The following ANO2 variants were observed in gnomAD, a reference collection of about 807,000 sequenced individuals.
ANO2 encodes anoctamin 2.
ANO2 carries 101 observed loss-of-function variants against 124.2 expected under a neutral mutation model. The observed-to-expected ratio is 0.81, with a 90% CI of 0.69 to 0.96. The LOEUF (loss-of-function observed/expected upper bound fraction) is 0.96. Ranked by LOEUF, ANO2 falls within the 40% of genes least tolerant of loss-of-function variation. ANO2 has a pLI of 0.00. For missense variants in ANO2, 1,293 were observed against 1,274.5 expected (o/e 1.01, Z -0.22); for synonymous variants, 486 against 482.5 (o/e 1.01, Z -0.09).
At chr12:5,694,251 C>CAGACAGAGAG (rs1555137018) in intron 14 of ANO2, among the ~76,000 whole-genome samples, 19 of 133,968 alleles carry the variant, frequency 1.4e-4, no homozygotes, top group African/African-American at 5.3e-4. Flanking sequence ...TTACCAGAGA[C>CAGACAGAGAG]AGAGAGAGAG....
At chr12:5,905,612 C>T (rs141804843) in intron 3 of ANO2, among the ~76,000 whole-genome samples, 158 of 152,260 alleles carry the variant, frequency 1.0e-3, no homozygotes, top group African/African-American at 3.7e-3. Context: ...CAGTGCCTGA[C>T]ATACTGTCCC....
intron 14 of ANO2, among the ~76,000 whole-genome samples, chr12:5,663,355 G>C (rs1486552413): frequency 6.6e-6 from 1 of 152,178 alleles, no homozygotes; most frequent in East Asian, 1.9e-4. Flanking sequence ...AATGAAGCAG[G>C]GAATGGTTAC....
chr12:5,912,079 G>C (rs1291069720), intron 3 of ANO2, among the ~76,000 whole-genome samples: 1 of 152,140 alleles, frequency 6.6e-6, no homozygotes, highest in Non-Finnish European at 1.5e-5. Context: ...AACCCCTTCT[G>C]AGGAATCCTA....
At chr12:5,784,049 T>A (rs1952475076) in intron 10 of ANO2, among the ~76,000 whole-genome samples, 1 of 152,132 alleles carries the variant, frequency 6.6e-6, no homozygotes, top group African/African-American at 2.4e-5. Context: ...CTGCCTTACA[T>A]CCCACCCTAA....
chr12:5,893,464 T>C (rs1397399455), intron 3 of ANO2, among the ~76,000 whole-genome samples: 1 of 151,838 alleles, frequency 6.6e-6, no homozygotes, highest in Admixed American at 6.6e-5. Flanking sequence ...CTTTATTTTG[T>C]ATGTAGTTTT....
At chr12:5,877,312 C>T (rs887255961) in intron 3 of ANO2, among the ~76,000 whole-genome samples, 2 of 152,128 alleles carry the variant, frequency 1.3e-5, no homozygotes, top group African/African-American at 4.8e-5. Flanking sequence ...AGCGAGGAGA[C>T]GGCCATGTGA....
chr12:5,751,739 A>C lies in ANO2; in HGVS notation c.1056-769T>G, dbSNP rs538888217. The stretch of plus-strand genomic sequence containing the variant: ...TTTTCTCTTGTGTTAAGAGCAATTA[A>C]TGTGAGATCTACCCTGTTAGCAGAT... On this transcript the variant is annotated intron_variant, in intron 10 of 24. Coordinates refer to ENST00000682330, the MANE Select transcript of ANO2 (RefSeq NM_001364791.2). 7.3e-5 allele frequency among the ~76,000 whole-genome samples: 11 copies of C among 150,926 alleles called. No individual in the cohort carries two copies. In the South Asian group the frequency reaches 2.3e-3, roughly 32 times the overall value.
intron 14 of ANO2, among the ~76,000 whole-genome samples, chr12:5,665,558 A>T (rs1947659633): frequency 6.6e-6 from 1 of 152,124 alleles, no homozygotes; most frequent in Non-Finnish European, 1.5e-5. Flanking sequence ...GAGGGATTTT[A>T]TTTGTTGCCC....
intron 4 of ANO2, among the ~76,000 whole-genome samples, chr12:5,844,561 A>G (rs536125662): frequency 1.4e-4 from 22 of 152,348 alleles, no homozygotes; most frequent in Middle Eastern, 3.4e-3. Flanking sequence ...CATGTAGACC[A>G]CAGCATTTTA....
intron 9 of ANO2, among the ~76,000 whole-genome samples, chr12:5,805,683 T>A (rs551621002): frequency 6.6e-6 from 1 of 152,200 alleles, no homozygotes; most frequent in Non-Finnish European, 1.5e-5. Flanking sequence ...TTCCTGTGGC[T>A]GTGTGATCTA....
chr12:5,604,999 G>A (rs1944147084), intron 19 of ANO2, among the ~76,000 whole-genome samples: 1 of 151,368 alleles, frequency 6.6e-6, no homozygotes, highest in African/African-American at 2.4e-5. Context: ...CCCTCTGCCT[G>A]TGCCCCACAG....
At chr12:5,946,204 A>G (rs868217676), upstream of ANO2, 1 of 1,611,540 alleles carries the variant, frequency 6.2e-7, no homozygotes, top group Middle Eastern at 1.7e-4. This position sits in a 1 kb window ranked among gnomAD's most constrained non-coding sequence, Gnocchi z 4.1. Context: ...TGGTCATGAT[A>G]GATCCCACTT....
intron 23 of ANO2, among the ~76,000 whole-genome samples, chr12:5,568,781 C>G (rs773908272): frequency 6.6e-6 from 1 of 152,148 alleles, no homozygotes; most frequent in Non-Finnish European, 1.5e-5. Flanking sequence ...TTGGAGGTAG[C>G]AGGTGAGGGG....
At chr12:5,945,301 C>G (rs377614325), upstream of ANO2, 481 of 1,115,658 alleles carry the variant, frequency 4.3e-4, no homozygotes, top group Non-Finnish European at 3.8e-4. Flanking sequence ...CATCGCGGCT[C>G]AGCTCCGTCC....
At chr12:5,722,892 G>C (rs1950288200) in intron 14 of ANO2, among the ~76,000 whole-genome samples, 1 of 152,162 alleles carries the variant, frequency 6.6e-6, no homozygotes, top group Non-Finnish European at 1.5e-5. Context: ...GTAGGTCCAG[G>C]GAGGCGTTTG....
intron 3 of ANO2, among the ~76,000 whole-genome samples, chr12:5,895,573 A>G (rs1389273060): frequency 6.6e-6 from 1 of 152,130 alleles, no homozygotes; most frequent in African/African-American, 2.4e-5. Flanking sequence ...GCAAATTAAA[A>G]CCACAATGAG....
In ANO2 at chr12:5,658,472, TATC is replaced by T. The variant is rs368638922; in HGVS notation, c.1546-10674_1546-10672del. ...ATCAACATCATCATCATATCATCACTATCATCATCATCATCAATATCATCGTAT... is the reference window on the plus strand; with the variant it reads ...ATCAACATCATCATCATATCATCACTATCATCATCATCAATATCATCGTAT... On this transcript the variant is annotated intron_variant, in intron 14 of 24. Coordinates refer to ENST00000682330, the MANE Select transcript of ANO2 (RefSeq NM_001364791.2). This position sits in a 1 kb window ranked among gnomAD's most constrained non-coding sequence, Gnocchi z 4.3. Among the ~76,000 whole-genome samples, 54 of 151,974 alleles carry T rather than the reference TATC, an allele frequency of 3.6e-4. No individual in the cohort carries two copies. In the East Asian group the frequency reaches 4.1e-3, roughly 11 times the overall value.
At chr12:5,717,928 T>A (rs907556450) in intron 14 of ANO2, among the ~76,000 whole-genome samples, 3 of 152,228 alleles carry the variant, frequency 2.0e-5, no homozygotes, top group African/African-American at 7.2e-5. Context: ...TCACTTGGGC[T>A]GCCCCATCTG....
Position 5,578,361 on chromosome 12 carries a change from C to G in ANO2, c.2386+5G>C. 6.2e-7 allele frequency: 1 copy of G among 1,612,890 alleles called. No individual in the cohort carries two copies. The highest frequency in any genetic ancestry group is 8.5e-7 in the Non-Finnish European group (1 of 1,179,306). ...CCTGGTGGGGCCTCTAAGTGGGGCACGTACCGATATCTTTGGTTCTTACAG... is the reference window on the plus strand; with the variant it reads ...CCTGGTGGGGCCTCTAAGTGGGGCAGGTACCGATATCTTTGGTTCTTACAG... On this transcript the variant is annotated splice_donor_5th_base_variant and intron_variant, in intron 21 of 24. Coordinates refer to ENST00000682330, the MANE Select transcript of ANO2 (RefSeq NM_001364791.2).
Sources: gnomAD v4.1 joint callset for allele counts (sites outside exome capture counted in the v4.1 genomes callset) on GRCh38, gnomAD v4.1.1 for gene constraint, Gnocchi (gnomAD v3.1) non-coding constraint, MANE v1.5 for transcripts, NCBI Gene and HGNC (gene_info 2026-07-23, HGNC 2026-07-21) for gene names.